Variants in RIPOR2 observed in about 807,000 individuals in gnomAD.
The protein encoded by RIPOR2 is RHO family interacting cell polarization regulator 2.
RIPOR2 carries 39 observed loss-of-function variants against 114.5 expected under a neutral mutation model. The ratio of observed to expected loss-of-function variants is 0.34; its 90% CI spans 0.26 to 0.44. The LOEUF (loss-of-function observed/expected upper bound fraction) is 0.44, where lower values mean the gene tolerates loss of function less well. RIPOR2 is among the 20% of genes least tolerant of loss of function. RIPOR2 has a pLI of 1.00. For missense variants in RIPOR2, 1,007 were observed against 1,255.1 expected, an observed-to-expected ratio of 0.80 and a Z score of 2.99; for synonymous variants, 445 against 484.4, an observed-to-expected ratio of 0.92 and a Z score of 1.07.
At chr6:24,833,172 A>G (rs1358873545) in intron 15 of RIPOR2, among the ~76,000 whole-genome samples, 1 of 152,224 alleles carries the variant, frequency 6.6e-6, no homozygotes, top group East Asian at 1.9e-4. Context: ...TGGTAGCCAT[A>G]GATGCAGAAC....
At chr6:24,895,549 C>A (rs2113988592) in intron 1 of RIPOR2, among the ~76,000 whole-genome samples, 1 of 152,160 alleles carries the variant, frequency 6.6e-6, no homozygotes, top group South Asian at 2.1e-4. Context: ...AAAAAGGAGT[C>A]ATTCATGTTC....
intron 1 of RIPOR2, among the ~76,000 whole-genome samples, chr6:25,025,635 C>T (rs1034055922): frequency 3.3e-5 from 5 of 152,014 alleles, no homozygotes; most frequent in African/African-American, 4.8e-5. Flanking sequence ...CTGATTAAAA[C>T]GAAAACTGAA....
At chr6:24,946,631 G>A (rs1027112592) in intron 1 of RIPOR2, among the ~76,000 whole-genome samples, 2 of 152,130 alleles carry the variant, frequency 1.3e-5, no homozygotes, top group Non-Finnish European at 2.9e-5. Context: ...CTCACATTGA[G>A]CAGAGTAGGA....
intron 8 of RIPOR2, among the ~76,000 whole-genome samples, chr6:24,854,600 A>G (rs1024490255): frequency 6.6e-6 from 1 of 152,254 alleles, no homozygotes; most frequent in African/African-American, 2.4e-5. Context: ...AAAGCACTTT[A>G]CATTCCTTGG....
chr6:24,827,280 A>G (rs1337398389), intron 18 of RIPOR2, among the ~76,000 whole-genome samples: 1 of 152,182 alleles, frequency 6.6e-6, no homozygotes, highest in East Asian at 1.9e-4. Context: ...GTGCTGGTAC[A>G]GTGCTGGGTG....
Position 25,005,738 on chromosome 6 carries a change from T to TATATATATATATACACAC in RIPOR2, c.76+36112_76+36113insGTGTGTATATATATATAT, listed in dbSNP as rs34572978. ...ATATATATATATATATATATATATA[T>TATATATATATATACACAC]ATACATTTACCGATCAAAAGATATG... On this transcript the variant is annotated intron_variant, in intron 1 of 13. Transcript: ENST00000510784. 8.6e-4 allele frequency among the ~76,000 whole-genome samples: 61 copies of TATATATATATATACACAC among 70,692 alleles called. 3 individuals carry two copies. The highest frequency in any genetic ancestry group is 1.7e-3 in the Non-Finnish European group (52 of 30,016). The allele number at this position is 70,692 out of a possible 152,430, so 46.4% of individuals were successfully genotyped here. A position where few individuals can be genotyped will look rare whatever the true frequency, so the allele number is the denominator to read the frequency against.
At chr6:25,013,075 G>C (rs1775840083) in intron 1 of RIPOR2, among the ~76,000 whole-genome samples, 1 of 150,542 alleles carries the variant, frequency 6.6e-6, no homozygotes, top group Admixed American at 6.6e-5. Flanking sequence ...GCAGAATGCT[G>C]TCTGGCACAC....
chr6:24,840,691 A>T, intron 13 of RIPOR2: 16 of 1,535,110 alleles, frequency 1.0e-5, no homozygotes, highest in Non-Finnish European at 1.3e-5. Flanking sequence ...CGGTCTTTTA[A>T]ATCACAGTTG....
At chr6:24,914,957 C>T (rs1473526813) in intron 1 of RIPOR2, among the ~76,000 whole-genome samples, 1 of 152,328 alleles carries the variant, frequency 6.6e-6, no homozygotes, top group South Asian at 2.1e-4. Context: ...ATCTGTCTAT[C>T]ACATAATTTT....
At chr6:25,010,308 G>A (rs1483058616) in intron 1 of RIPOR2, among the ~76,000 whole-genome samples, 1 of 151,918 alleles carries the variant, frequency 6.6e-6, no homozygotes, top group African/African-American at 2.4e-5. Flanking sequence ...AAAGAGCCTG[G>A]CCCTCCTTCC....
intron 1 of RIPOR2, among the ~76,000 whole-genome samples, chr6:25,027,832 C>G: frequency 6.6e-6 from 1 of 152,222 alleles, no homozygotes; most frequent in African/African-American, 2.4e-5. Context: ...TGGGTCAGGG[C>G]ATCACCGAAC....
At chr6:24,936,981 C>G (rs950276182), upstream of RIPOR2, among the ~76,000 whole-genome samples, 27 of 152,308 alleles carry the variant, frequency 1.8e-4, no homozygotes, top group African/African-American at 6.0e-4. Context: ...AAACTGTCCC[C>G]TCCTCCTGTA....
chr6:24,884,246 A>G (rs1374649047), intron 1 of RIPOR2, among the ~76,000 whole-genome samples: 1 of 151,892 alleles, frequency 6.6e-6, no homozygotes, highest in Non-Finnish European at 1.5e-5. Context: ...CGCCTCTACT[A>G]AAAATACAAA....
At chr6:25,002,814 T>A (rs954095651) in intron 1 of RIPOR2, among the ~76,000 whole-genome samples, 5 of 152,196 alleles carry the variant, frequency 3.3e-5, no homozygotes, top group African/African-American at 1.2e-4. Flanking sequence ...TGAATGAACG[T>A]CATGGTGACA....
chr6:24,825,877 G>C (rs1465552622), intron 18 of RIPOR2, among the ~76,000 whole-genome samples: 1 of 151,506 alleles, frequency 6.6e-6, no homozygotes, highest in Non-Finnish European at 1.5e-5. Flanking sequence ...ACTGGGCCCC[G>C]ATGGAGCAAC....
intron 1 of RIPOR2, among the ~76,000 whole-genome samples, chr6:24,919,019 A>C (rs1333876037): frequency 6.6e-6 from 1 of 152,212 alleles, no homozygotes; most frequent in African/African-American, 2.4e-5. Context: ...TGGATACAAG[A>C]TTCATCCCCA....
intron 13 of RIPOR2, chr6:24,840,126 T>C: frequency 1.1e-5 from 8 of 758,118 alleles, no homozygotes; most frequent in Non-Finnish European, 1.3e-5. Context: ...ATTTTTTTCT[T>C]TTATTGCAGA....
At chr6:24,840,725 C>T (rs764383362) in intron 13 of RIPOR2, 26 of 1,535,154 alleles carry the variant, frequency 1.7e-5, no homozygotes, top group Middle Eastern at 1.7e-4. Flanking sequence ...CAGTGATCTC[C>T]GTCCAAGAGG....
chr6:24,820,869 C>CTTTTTTTTTT (rs34770819), intron 19 of RIPOR2, among the ~76,000 whole-genome samples: 1 of 84,052 alleles, frequency 1.2e-5, no homozygotes, highest in African/African-American at 4.7e-5. Flanking sequence ...GTTTAACACT[C>CTTTTTTTTTT]TTTTTTTTTT....
Sources: allele counts gnomAD v4.1 joint callset (sites outside exome capture counted in the v4.1 genomes callset), GRCh38; gene constraint gnomAD v4.1.1; transcripts MANE v1.5; gene names NCBI Gene and HGNC (gene_info 2026-07-23, HGNC 2026-07-21).